UPF2: variants seen among roughly 807,000 people sequenced by gnomAD.
UPF2 encodes regulator of nonsense transcripts 2.
Under a neutral mutation model 141.4 loss-of-function variants are expected in UPF2, and 17 were observed. The ratio of observed to expected loss-of-function variants is 0.12; its 90% CI spans 0.08 to 0.18. The LOEUF (loss-of-function observed/expected upper bound fraction) is 0.18, where lower values mean the gene tolerates loss of function less well. Ranked by LOEUF, UPF2 falls within the 10% of genes least tolerant of loss-of-function variation. The probability of loss-of-function intolerance (pLI) is 1.00; values close to 1 mark genes in which losing one functional copy is unlikely to be tolerated. For missense variants in UPF2, 1,152 were observed against 1,515.9 expected, an observed-to-expected ratio of 0.76 and a Z score of 3.99; for synonymous variants, 540 against 498.0, an observed-to-expected ratio of 1.08 and a Z score of -1.12.
intron 16 of UPF2, among the ~76,000 whole-genome samples, chr10:11,947,480 C>T (rs1013496235): frequency 6.6e-6 from 1 of 151,932 alleles, no homozygotes; most frequent in African/African-American, 2.4e-5. Flanking sequence ...TATTCAACAG[C>T]GAGATTAAGA....
At chr10:11,955,637 T>G in intron 13 of UPF2, 130 bp from the exon 14 acceptor site, 1 of 923,678 alleles carries the variant, frequency 1.1e-6, no homozygotes, top group Non-Finnish European at 1.6e-6. Flanking sequence ...GACAGATCTT[T>G]TCTAATAAAC....
rs370045008 is a variant in UPF2, at chr10:12,035,411, G to T, written c.13C>A (p.Arg5Ser). 2 of 1,579,732 alleles carry T rather than the reference G, an allele frequency of 1.3e-6. No homozygotes were observed. The highest frequency in any genetic ancestry group is 2.2e-5 in the East Asian group (1 of 44,506). The change falls in exon 2 of 22, where the codon CGT becomes AGT. Residue 5 changes from arginine (R) to serine (S), a missense_variant. Arg to Ser is a moderately radical substitution (Grantham distance 110). Transcript: ENST00000357604. MPAE[R>S]KKPASMEEKD... ...TCTTCCATACTTGCTGGCTTTTTACGCTCAGCTGGCATTATGTGACCCAGG... is the reference window on the plus strand; with the variant it reads ...TCTTCCATACTTGCTGGCTTTTTACTCTCAGCTGGCATTATGTGACCCAGG...
At chr10:11,967,862 G>T (rs1344409509) in intron 9 of UPF2, among the ~76,000 whole-genome samples, 2 of 151,218 alleles carry the variant, frequency 1.3e-5, no homozygotes, top group Non-Finnish European at 2.9e-5. Context: ...GCCCACTCCA[G>T]ATATTTTTAA....
At position 12,032,737 on chromosome 10, in the gene UPF2, C is replaced by CA. The variant is rs1291360872; in HGVS notation, c.365+2321dup. On this transcript the variant is annotated intron_variant, in intron 2 of 21. Transcript: ENST00000357604. The stretch of plus-strand genomic sequence containing the variant: ...TGGGTGACAGAGCAAGACCCTGTCT[C>CA]AAAAAAAAAAAAAAAAGACTCTCTT... Among the ~76,000 whole-genome samples the CA allele has an allele frequency of 4.4e-3, 401 of 90,902 alleles. 2 individuals carry two copies. The East Asian group carries it at 0.064, about 15-fold the overall frequency. The allele number at this position is 90,902 out of a possible 152,430, so 59.6% of individuals were successfully genotyped here.
rs1215745936 is a variant in UPF2 at position 11,964,865 on chromosome 10, A to T, written c.2068-740T>A. Reference sequence around the variant, plus strand: ...AGATTGTGGAATACAGTATTTGCACATATATAATGAGACAGCCTGAGGATG... The same window carrying T: ...AGATTGTGGAATACAGTATTTGCACTTATATAATGAGACAGCCTGAGGATG... On this transcript the variant is annotated intron_variant, in intron 10 of 21. Coordinates refer to ENST00000357604, the MANE Select transcript of UPF2 (RefSeq NM_015542.4). 2.6e-5 allele frequency among the ~76,000 whole-genome samples: 4 copies of T among 152,214 alleles called. No individual in the cohort carries two copies. In the East Asian group the frequency reaches 7.7e-4, roughly 29 times the overall value.
chr10:12,033,480 C>G (rs192725041), intron 2 of UPF2, among the ~76,000 whole-genome samples: 130 of 152,244 alleles, frequency 8.5e-4, no homozygotes, highest in Non-Finnish European at 1.3e-3. Context: ...CTGCAGTGAG[C>G]TGGCATTGTA....
At chr10:12,017,676 C>G (rs1179683830) in intron 3 of UPF2, among the ~76,000 whole-genome samples, 2 of 152,156 alleles carry the variant, frequency 1.3e-5, no homozygotes, top group Non-Finnish European at 2.9e-5. Flanking sequence ...GAGAATAGTC[C>G]TCAAGAAAAG....
rs947406886 is a variant in UPF2, at chr10:11,921,430, C to T, written c.3810-123G>A. On this transcript the variant is annotated intron_variant, in intron 21 of 21. Transcript: ENST00000357604. The surrounding 1 kb of genome is among the most constrained non-coding windows in gnomAD (Gnocchi z 5.9). ...TCCCCCAAGTTACAGGTGGCCCTGG[C>T]ATCTGCGGGTTCCACATCCATGGAC... 1 of 1,204,618 alleles carries T rather than the reference C, an allele frequency of 8.3e-7. No individual in the cohort carries two copies. The highest frequency in any genetic ancestry group is 1.2e-6 in the Non-Finnish European group (1 of 830,364). 74.6% of individuals were successfully genotyped at this position (1,204,618 alleles called of 1,614,324 possible). A position where few individuals can be genotyped will look rare whatever the true frequency, so the allele number is the denominator to read the frequency against.
chr10:11,985,528 T>G, intron 8 of UPF2, among the ~76,000 whole-genome samples: 1 of 150,464 alleles, frequency 6.6e-6, no homozygotes. Context: ...TCCCAGCTAC[T>G]CGGGAGGCTG....
At chr10:12,010,377 T>C (rs1037234735) in intron 4 of UPF2, among the ~76,000 whole-genome samples, 8 of 152,188 alleles carry the variant, frequency 5.3e-5, no homozygotes, top group Admixed American at 1.3e-4. Context: ...CTGTATTTCA[T>C]ATGTTCAACA....
Position 11,921,695 on chromosome 10 carries a change from C to G in UPF2, c.3810-388G>C, listed in dbSNP as rs1832646887. ...TCTGAGGGGATCCAGGAAGCAACCC[C>G]CTGTGGATACCGAGGACAACTGTAG... On this transcript the variant is annotated intron_variant, in intron 21 of 21. Coordinates refer to ENST00000357604, the MANE Select transcript of UPF2 (RefSeq NM_015542.4). The surrounding 1 kb of genome is among the most constrained non-coding windows in gnomAD (Gnocchi z 5.9). Among the ~76,000 whole-genome samples, 1 of 152,040 alleles carries G rather than the reference C, an allele frequency of 6.6e-6. No homozygotes were observed. Among genetic ancestry groups the G allele is most frequent in the Non-Finnish European group, 1.5e-5 (1 of 68,010 alleles).
At chr10:11,964,416 A>C (rs1485918962) in intron 10 of UPF2, among the ~76,000 whole-genome samples, 4 of 152,186 alleles carry the variant, frequency 2.6e-5, no homozygotes, top group Non-Finnish European at 4.4e-5. Flanking sequence ...CACAGCAGAC[A>C]TTTTCTCAAT....
chr10:11,969,048 G>A (rs1643998888), intron 9 of UPF2, among the ~76,000 whole-genome samples: 1 of 152,016 alleles, frequency 6.6e-6, no homozygotes. Context: ...TTTTAGTAGA[G>A]ATGGGGTTTC....
At chr10:11,975,023 TAAAG>T (rs1007346745) in intron 9 of UPF2, among the ~76,000 whole-genome samples, 15 of 152,192 alleles carry the variant, frequency 9.9e-5, no homozygotes, top group African/African-American at 1.4e-4. Flanking sequence ...TTTTAACAAA[TAAAG>T]AAACTTAATC....
At position 11,930,090 on chromosome 10, in the gene UPF2, G is replaced by T; in HGVS notation, c.3689-105C>A. Reference sequence around the variant, plus strand: ...GAGATTAAGTTTATTAGTCCTGTCAGGGAGCTGACTAAAGAAAAATAGCCA... The same window carrying T: ...GAGATTAAGTTTATTAGTCCTGTCATGGAGCTGACTAAAGAAAAATAGCCA... On this transcript the variant is annotated intron_variant, in intron 20 of 21. Transcript: ENST00000357604. The T allele has an allele frequency of 3.3e-6, 5 of 1,510,938 alleles. No homozygotes were observed. The South Asian group carries it at 6.3e-5, about 19-fold the overall frequency. 93.6% of individuals were successfully genotyped at this position (1,510,938 alleles called of 1,614,324 possible). A position where few individuals can be genotyped will look rare whatever the true frequency, so the allele number is the denominator to read the frequency against.
At chr10:11,966,287 T>C (rs1039091037) in intron 10 of UPF2, among the ~76,000 whole-genome samples, 1 of 152,242 alleles carries the variant, frequency 6.6e-6, no homozygotes, top group African/African-American at 2.4e-5. Flanking sequence ...CTGACTATGA[T>C]TGTAAGATAT....
At chr10:12,033,703 T>C (rs939757366) in intron 2 of UPF2, among the ~76,000 whole-genome samples, 1 of 152,140 alleles carries the variant, frequency 6.6e-6, no homozygotes. Context: ...ATAAGTTATA[T>C]ATTTATGCTT....
chr10:11,973,186 T>G (rs1351041513), intron 9 of UPF2, among the ~76,000 whole-genome samples: 1 of 152,358 alleles, frequency 6.6e-6, no homozygotes, highest in East Asian at 1.9e-4. Context: ...TGTCTTCTTT[T>G]GAGAAGTGTC....
rs766887598 is a variant in UPF2 at position 12,014,223 on chromosome 10, T to C, written c.1146-39A>G. The C allele has an allele frequency of 5.2e-6, 7 of 1,337,924 alleles. No individual in the cohort carries two copies. Among genetic ancestry groups the C allele is most frequent in the Non-Finnish European group, 4.8e-6 (5 of 1,033,658 alleles). 82.9% of individuals were successfully genotyped at this position (1,337,924 alleles called of 1,614,324 possible). On this transcript the variant is annotated intron_variant, in intron 3 of 21. Transcript: ENST00000357604. This position sits in a 1 kb window ranked among gnomAD's most constrained non-coding sequence, Gnocchi z 5.0. ...AAATCATCTGACAGTCTTATCAAAA[T>C]AGATGTGATCACAAATTGTTATATA... is the stretch of plus-strand genomic sequence containing the variant.
Sources: allele counts gnomAD v4.1 joint callset (sites outside exome capture counted in the v4.1 genomes callset), GRCh38; gene constraint gnomAD v4.1.1; non-coding constraint Gnocchi (gnomAD v3.1); transcripts MANE v1.5; gene names NCBI Gene and HGNC (gene_info 2026-07-23, HGNC 2026-07-21).